H2BC14: variants seen among roughly 807,000 people sequenced by gnomAD.
The protein encoded by H2BC14 is histone H2B type 1-M.
Under a neutral mutation model 6.3 loss-of-function variants are expected in H2BC14, and 17 were observed. That is an observed-to-expected ratio of 2.70 (90% CI 1.84 to 4.04). H2BC14 has a LOEUF of 4.04. Ranked by LOEUF, H2BC14 falls within the 30% of genes most tolerant of loss-of-function variation. H2BC14 has a pLI of 0.00. For missense variants in H2BC14, 235 were observed against 165.1 expected (o/e 1.42, Z -2.32); for synonymous variants, 131 against 69.0 (o/e 1.90, Z -4.45).
rs1156861155 is a variant in H2BC14, at chr6:27,815,132, G to C, written c.89G>C (p.Arg30Pro). 6.2e-7 allele frequency: 1 copy of C among 1,614,188 alleles called. No individual in the cohort carries two copies. The change falls in exon 1 of 1, where the codon CGC (arginine) becomes CCC (proline). Residue 30 changes from arginine to proline, a missense_variant. Transcript: ENST00000621112. ...GCTCAGAAGAAGGATGGAAAGAAGC[G>C]CAAACGCAGCCGCAAGGAGAGCTAC... is the stretch of plus-strand genomic sequence containing the variant. Reference protein sequence around the residue: ...NKAQKKDGKKRKRSRKESYSV... With the variant: ...NKAQKKDGKKPKRSRKESYSV...
chr6:27,815,414 G>C lies in H2BC14; in HGVS notation c.371G>C (p.Ser124Thr). ...EGTKAVTKYTSSK is the reference protein window; with the variant it reads ...EGTKAVTKYTTSK ...ACCAAGGCCGTCACCAAGTATACCA[G>C]CTCCAAGTGAGCCTCTCGCTGCAGT... The change falls in exon 1 of 1, where the codon AGC (serine) becomes ACC (threonine). Residue 124 changes from serine (S) to threonine (T), a missense_variant. Transcript: ENST00000621112. 1.9e-6 allele frequency: 3 copies of C among 1,614,068 alleles called. No individual in the cohort carries two copies. The highest frequency in any genetic ancestry group is 1.3e-5 in the African/African-American group (1 of 75,032).
At position 27,815,489 on chromosome 6, in the gene H2BC14, A is replaced by G; in HGVS notation, c.*65A>G. The G allele has an allele frequency of 6.4e-7, 1 of 1,565,662 alleles. No individual in the cohort carries two copies. Among genetic ancestry groups the G allele is most frequent in the Non-Finnish European group, 8.6e-7 (1 of 1,159,552 alleles). On this transcript the variant is annotated 3_prime_UTR_variant, in exon 1 of 1. Coordinates refer to ENST00000621112, the MANE Select transcript of H2BC14 (RefSeq NM_003521.3). ...CCAAAGGCTCTTTTCAGAGCCGTCC[A>G]CGTTTCTCAAGAAAGAGCCAGTTCA...
chr6:27,815,203 G>A lies in H2BC14; in HGVS notation c.160G>A (p.Gly54Ser). ...GCTGAAGCAGGTCCACCCCGACACC[G>A]GCATCTCTTCCAAGGCTATGGGAAT... ...KVLKQVHPDT[G>S]ISSKAMGIMN... Residue 54 changes from glycine to serine, a missense_variant, in exon 1 of 1, where the codon GGC (glycine) becomes AGC (serine). Coordinates refer to ENST00000621112, the MANE Select transcript of H2BC14 (RefSeq NM_003521.3). 6.2e-7 allele frequency: 1 copy of A among 1,614,204 alleles called. No homozygotes were observed. Among genetic ancestry groups the A allele is most frequent in the Non-Finnish European group, 8.5e-7 (1 of 1,180,038 alleles).
Position 27,815,226 on chromosome 6 carries a change from A to T in H2BC14, c.183A>T (p.Gly61=), listed in dbSNP as rs1440771837. 1.2e-6 allele frequency: 2 copies of T among 1,614,110 alleles called. No homozygotes were observed. The highest frequency in any genetic ancestry group is 2.2e-5 in the East Asian group (1 of 44,902). ...CCGGCATCTCTTCCAAGGCTATGGG[A>T]ATCATGAACTCCTTCGTCAACGACA... ...PDTGISSKAM[G]IMNSFVNDIF... Residue 61 remains glycine, a synonymous_variant, in exon 1 of 1, where the codon GGA becomes GGT. Coordinates refer to ENST00000621112, the MANE Select transcript of H2BC14 (RefSeq NM_003521.3).
At position 27,815,051 on chromosome 6, in the gene H2BC14, A is replaced by C. The variant is rs1452691689; in HGVS notation, c.8A>C (p.Glu3Ala). 3.1e-6 allele frequency: 5 copies of C among 1,606,854 alleles called. No individual in the cohort carries two copies. Among genetic ancestry groups the C allele is most frequent in the African/African-American group, 1.4e-5 (1 of 73,316 alleles). ...TTTATTTTGTTTTCCACCATGCCTGAACCAGTCAAATCTGCTCCAGTCCCT... is the reference window on the plus strand; with the variant it reads ...TTTATTTTGTTTTCCACCATGCCTGCACCAGTCAAATCTGCTCCAGTCCCT... Reference protein sequence around the residue: MPEPVKSAPVPKK... With the variant: MPAPVKSAPVPKK... Residue 3 changes from glutamate to alanine, a missense_variant, in exon 1 of 1, where the codon GAA (glutamate) becomes GCA (alanine). Glu to Ala is a moderately radical substitution (Grantham distance 107). Coordinates refer to ENST00000621112, the MANE Select transcript of H2BC14 (RefSeq NM_003521.3).
Sources: gnomAD v4.1 joint callset for allele counts on GRCh38, gnomAD v4.1.1 for gene constraint, MANE v1.5 for transcripts, NCBI Gene and HGNC (gene_info 2026-07-23, HGNC 2026-07-21) for gene names.